Variants in THRB observed in about 807,000 individuals in gnomAD.
THRB encodes nuclear receptor subfamily 1 group A member 2.
THRB carries 12 observed loss-of-function variants against 47.8 expected under a neutral mutation model. That is an observed-to-expected ratio of 0.25 (90% CI 0.16 to 0.41). The LOEUF (loss-of-function observed/expected upper bound fraction) is 0.41, where lower values mean the gene tolerates loss of function less well. THRB is among the 10% of genes least tolerant of loss of function. THRB has a pLI of 1.00. For missense variants in THRB, 348 were observed against 589.2 expected, an observed-to-expected ratio of 0.59 and a Z score of 4.24; for synonymous variants, 218 against 212.2, an observed-to-expected ratio of 1.03 and a Z score of -0.24.
rs184586105 is a variant in THRB, at chr3:24,476,842, T to G, written c.-261+17810A>C. 8.5e-3 allele frequency among the ~76,000 whole-genome samples: 1,292 copies of G among 152,286 alleles called. 16 individuals are homozygous for G. Among genetic ancestry groups the G allele is most frequent in the African/African-American group, 0.029 (1,218 of 41,546 alleles). On this transcript the variant is annotated intron_variant, in intron 1 of 10. Transcript: ENST00000646209. ...GTTATTGCCTTGCATTTGAGACAATTTTAACGTTCCTATTTGCTATTTGGA... is the reference window on the plus strand; with the variant it reads ...GTTATTGCCTTGCATTTGAGACAATGTTAACGTTCCTATTTGCTATTTGGA...
At chr3:24,409,913 C>T (rs1328273285) in intron 1 of THRB, among the ~76,000 whole-genome samples, 2 of 151,806 alleles carry the variant, frequency 1.3e-5, no homozygotes, top group African/African-American at 2.4e-5. Flanking sequence ...GTCTGGTTTA[C>T]CTATTGCTAT....
intron 2 of THRB, among the ~76,000 whole-genome samples, chr3:24,331,669 C>A (rs2061939420): frequency 7.5e-6 from 1 of 133,400 alleles, no homozygotes; most frequent in South Asian, 2.4e-4. Context: ...CATACACACA[C>A]CTCCGTGTAT....
At chr3:24,451,867 G>T (rs1197811602) in intron 1 of THRB, among the ~76,000 whole-genome samples, 3 of 152,186 alleles carry the variant, frequency 2.0e-5, no homozygotes, top group Admixed American at 1.3e-4. Context: ...CAAAGGGCCT[G>T]GTTTACTGAC....
At chr3:24,240,839 C>A (rs1321794986) in intron 3 of THRB, among the ~76,000 whole-genome samples, 1 of 149,790 alleles carries the variant, frequency 6.7e-6, no homozygotes, top group East Asian at 1.9e-4. Flanking sequence ...ATGTTGAGAA[C>A]CACCAGCCTG....
At chr3:24,224,847 G>C (rs946530614) in intron 4 of THRB, among the ~76,000 whole-genome samples, 2 of 152,182 alleles carry the variant, frequency 1.3e-5, no homozygotes, top group Non-Finnish European at 2.9e-5. Context: ...ATTAGATAAG[G>C]AATTCAAGAT....
At chr3:24,186,381 A>T (rs1308656421) in intron 5 of THRB, among the ~76,000 whole-genome samples, 1 of 147,122 alleles carries the variant, frequency 6.8e-6, no homozygotes, top group Non-Finnish European at 1.5e-5. Flanking sequence ...ATGGCTGAGC[A>T]ATTGGTTCAA....
intron 2 of THRB, among the ~76,000 whole-genome samples, chr3:24,329,102 A>G (rs1190012356): frequency 6.6e-6 from 1 of 151,870 alleles, no homozygotes; most frequent in Non-Finnish European, 1.5e-5. Flanking sequence ...ATGCACCACC[A>G]TGCCCCTCTA....
chr3:24,338,443 C>G (rs1003368936), intron 1 of THRB, among the ~76,000 whole-genome samples: 1 of 152,096 alleles, frequency 6.6e-6, no homozygotes, highest in Non-Finnish European at 1.5e-5. Flanking sequence ...ATCTTTTGTT[C>G]TACACTTTTG....
intron 3 of THRB, among the ~76,000 whole-genome samples, chr3:24,281,775 G>A (rs1409339016): frequency 2.0e-5 from 3 of 147,956 alleles, no homozygotes; most frequent in African/African-American, 7.5e-5. Flanking sequence ...AAAAGGCAGG[G>A]GTTGCAATCC....
At chr3:24,134,936 A>T (rs1183843504) in intron 8 of THRB, among the ~76,000 whole-genome samples, 3 of 152,162 alleles carry the variant, frequency 2.0e-5, no homozygotes, top group African/African-American at 7.2e-5. Flanking sequence ...AGCAGTGAGG[A>T]CACTGCCAGT....
intron 2 of THRB, among the ~76,000 whole-genome samples, chr3:24,302,186 G>C (rs1458671257): frequency 6.6e-6 from 1 of 152,152 alleles, no homozygotes; most frequent in Non-Finnish European, 1.5e-5. Context: ...TTAGCAAGTA[G>C]GGCAACAACC....
chr3:24,432,468 C>T (rs2070531914), intron 1 of THRB, among the ~76,000 whole-genome samples: 1 of 152,088 alleles, frequency 6.6e-6, no homozygotes, highest in African/African-American at 2.4e-5. Context: ...GGGAACCTCT[C>T]ACCATATTCA....
chr3:24,395,698 T>C (rs2066905074), intron 1 of THRB, among the ~76,000 whole-genome samples: 1 of 152,136 alleles, frequency 6.6e-6, no homozygotes, highest in Non-Finnish European at 1.5e-5. Context: ...TGGAAAACAG[T>C]CTGGCAGTTT....
At chr3:24,434,395 T>A (rs868454548) in intron 1 of THRB, among the ~76,000 whole-genome samples, 1 of 152,158 alleles carries the variant, frequency 6.6e-6, no homozygotes, top group Non-Finnish European at 1.5e-5. Context: ...TGACACACTT[T>A]CCTTGTTGCT....
intron 1 of THRB, among the ~76,000 whole-genome samples, chr3:24,346,762 C>A (rs1364599160): frequency 6.6e-6 from 1 of 151,850 alleles, no homozygotes; most frequent in Non-Finnish European, 1.5e-5. Flanking sequence ...AGTTATTAAG[C>A]CTCAAAATAT....
chr3:24,307,157 C>G (rs1353290463), intron 2 of THRB, among the ~76,000 whole-genome samples: 1 of 151,916 alleles, frequency 6.6e-6, no homozygotes, highest in Non-Finnish European at 1.5e-5. Flanking sequence ...ATTTTGATAT[C>G]CTACACAGTG....
intron 2 of THRB, among the ~76,000 whole-genome samples, chr3:24,320,376 C>G (rs946430979): frequency 6.6e-6 from 1 of 152,118 alleles, no homozygotes; most frequent in Non-Finnish European, 1.5e-5. Context: ...TGCAGAATTT[C>G]TTTTACTCTT....
At chr3:24,314,545 G>T (rs998465684) in intron 2 of THRB, among the ~76,000 whole-genome samples, 1 of 152,116 alleles carries the variant, frequency 6.6e-6, no homozygotes, top group African/African-American at 2.4e-5. Flanking sequence ...AACTGCCAAA[G>T]GGATCTGTTA....
intron 1 of THRB, among the ~76,000 whole-genome samples, chr3:24,363,479 G>C (rs2064219704): frequency 6.6e-6 from 1 of 152,164 alleles, no homozygotes; most frequent in African/African-American, 2.4e-5. Context: ...ATCCACTGGA[G>C]CTGGAGCTTT....
Sources: gnomAD v4.1 joint callset for allele counts (sites outside exome capture counted in the v4.1 genomes callset) on GRCh38, gnomAD v4.1.1 for gene constraint, MANE v1.5 for transcripts, NCBI Gene and HGNC (gene_info 2026-07-23, HGNC 2026-07-21) for gene names.